The following CENPL variants were observed in gnomAD, a reference collection of about 807,000 sequenced individuals.
CENPL encodes interphase centromere complex protein 33.
In CENPL, 20 loss-of-function variants were observed where a neutral mutation model predicts 35.2. The observed-to-expected ratio is 0.57, with a 90% CI of 0.40 to 0.83. The LOEUF (loss-of-function observed/expected upper bound fraction) is 0.83. Among genes scored for constraint, CENPL ranks in the 40% least tolerant of loss-of-function variants. CENPL has a pLI of 0.00. For missense variants in CENPL, 363 were observed against 395.8 expected, an observed-to-expected ratio of 0.92 and a Z score of 0.70; for synonymous variants, 140 against 140.6, an observed-to-expected ratio of 1.00 and a Z score of 0.03.
intron 3 of CENPL, among the ~76,000 whole-genome samples, chr1:173,809,854 A>C (rs1288290663): frequency 6.6e-6 from 1 of 152,170 alleles, no homozygotes; most frequent in Non-Finnish European, 1.5e-5. Flanking sequence ...AAAAAGTCAA[A>C]AAAAAACAGA....
chr1:173,811,365 A>G (rs1650808105), intron 2 of CENPL, 59 bp from the exon 3 acceptor site: 5 of 1,127,058 alleles, frequency 4.4e-6, no homozygotes, highest in South Asian at 2.9e-5. Flanking sequence ...TCATGCTTAC[A>G]GTTTCACTGA....
chr1:173,811,416 C>T, intron 2 of CENPL, 110 bp from the exon 3 acceptor site: 1 of 717,908 alleles, frequency 1.4e-6, no homozygotes, highest in Non-Finnish European at 2.2e-6. Context: ...CTGTCTTTTC[C>T]CCTCCCTATC....
intron 5 of CENPL, among the ~76,000 whole-genome samples, chr1:173,801,201 T>C (rs1649718639): frequency 6.6e-6 from 1 of 152,122 alleles, no homozygotes; most frequent in Non-Finnish European, 1.5e-5. Context: ...AGTTTCCTTG[T>C]TTTAAAATAA....
Position 173,804,564 on chromosome 1 carries a change from A to C in CENPL, c.421-1059T>G, listed in dbSNP as rs149169743. The stretch of plus-strand genomic sequence containing the variant: ...CTTTAACTAGATTATACTCCTATTA[A>C]TGTAATCTCAGATTGCAGTTTTCTG... On this transcript the variant is annotated intron_variant, in intron 4 of 5. Transcript: ENST00000682279. 2.4e-3 allele frequency among the ~76,000 whole-genome samples: 364 copies of C among 152,336 alleles called. 1 individual carries two copies. Among genetic ancestry groups the C allele is most frequent in the Non-Finnish European group, 4.5e-3 (309 of 68,036 alleles).
chr1:173,802,022 C>CAA (rs58015799), intron 5 of CENPL, among the ~76,000 whole-genome samples: 49 of 135,398 alleles, frequency 3.6e-4, no homozygotes, highest in African/African-American at 9.5e-4. Context: ...GATTCTGTCT[C>CAA]AAAAAAAAAA....
At chr1:173,815,312 G>C (rs1571965165) in intron 2 of CENPL, among the ~76,000 whole-genome samples, 1 of 152,158 alleles carries the variant, frequency 6.6e-6, no homozygotes, top group African/African-American at 2.4e-5. Flanking sequence ...CAGAAAAAGA[G>C]AGAATCCTCC....
At chr1:173,810,402 T>C (rs1036277980) in intron 3 of CENPL, among the ~76,000 whole-genome samples, 5 of 152,056 alleles carry the variant, frequency 3.3e-5, no homozygotes, top group African/African-American at 1.2e-4. Context: ...GAAAAATAAC[T>C]AATGGATATT....
chr1:173,803,198 A>G lies in CENPL; in HGVS notation c.728T>C (p.Val243Ala), dbSNP rs375786847. The G allele has an allele frequency of 4.3e-5, 69 of 1,613,822 alleles. No homozygotes were observed. The highest frequency in any genetic ancestry group is 5.6e-5 in the Non-Finnish European group (66 of 1,179,666). ...GTCCAGACTTTGAGGGCTACAGGGT[A>G]CAGACCAAAGAAATTCAGTAGTAGC... ...YVATTEFLWS[V>A]PCSPQSLDIS... Residue 243 changes from valine (V) to alanine (A), a missense_variant, in exon 5 of 6, where the codon GTA (valine) becomes GCA (alanine). Transcript: ENST00000682279.
chr1:173,803,161 T>C lies in CENPL; in HGVS notation c.765A>G (p.Ala255=). The stretch of plus-strand genomic sequence containing the variant: ...GAGCTTTTGCATCCTCTGGATGTAT[T>C]GCGAAAGAAATGTCCAGACTTTGAG... ...CSPQSLDISF[A]IHPEDAKALW... The change falls in exon 5 of 6, where the codon GCA becomes GCG. Residue 255 remains alanine, a synonymous_variant. Coordinates refer to ENST00000682279, the MANE Select transcript of CENPL (RefSeq NM_001387287.1). The C allele has an allele frequency of 6.2e-7, 1 of 1,613,816 alleles. No individual in the cohort carries two copies. Among genetic ancestry groups the C allele is most frequent in the Non-Finnish European group, 8.5e-7 (1 of 1,179,666 alleles).
intron 2 of CENPL, among the ~76,000 whole-genome samples, chr1:173,819,566 G>A (rs574434176): frequency 6.6e-6 from 1 of 152,170 alleles, no homozygotes; most frequent in South Asian, 2.1e-4. Flanking sequence ...TCCAGCCTGG[G>A]TGAGACAGAG....
chr1:173,813,075 GT>G (rs1334075697), intron 2 of CENPL, among the ~76,000 whole-genome samples: 1 of 152,150 alleles, frequency 6.6e-6, no homozygotes, highest in African/African-American at 2.4e-5. Flanking sequence ...AAGGATATCA[GT>G]GACTGAAGAT....
chr1:173,820,493 G>C (rs532636039), intron 2 of CENPL, among the ~76,000 whole-genome samples: 5 of 152,254 alleles, frequency 3.3e-5, no homozygotes, highest in African/African-American at 9.6e-5. Flanking sequence ...TTTAGTCTGA[G>C]CAAGAGTGAG....
chr1:173,813,344 A>G (rs945784438), intron 2 of CENPL, among the ~76,000 whole-genome samples: 3 of 152,164 alleles, frequency 2.0e-5, no homozygotes, highest in Non-Finnish European at 2.9e-5. Flanking sequence ...GATACTCCTC[A>G]AGAAGAGCAA....
At chr1:173,817,092 C>T (rs1259185744) in intron 2 of CENPL, among the ~76,000 whole-genome samples, 3 of 151,940 alleles carry the variant, frequency 2.0e-5, no homozygotes, top group Non-Finnish European at 4.4e-5. Context: ...GAGCCAAAAT[C>T]GTGCCCCTGC....
At chr1:173,802,339 T>TG (rs1458437357) in intron 5 of CENPL, among the ~76,000 whole-genome samples, 1 of 152,052 alleles carries the variant, frequency 6.6e-6, no homozygotes, top group Non-Finnish European at 1.5e-5. Context: ...CCCCAGTAGC[T>TG]GGGACTACAG....
intron 4 of CENPL, 103 bp from the exon 5 acceptor site, chr1:173,803,608 T>C: frequency 9.6e-7 from 1 of 1,038,666 alleles, no homozygotes. Flanking sequence ...GCCAATGTAA[T>C]ACTTGCAAAA....
intron 4 of CENPL, among the ~76,000 whole-genome samples, chr1:173,804,038 A>G (rs1649999599): frequency 6.6e-6 from 1 of 152,342 alleles, no homozygotes; most frequent in East Asian, 1.9e-4. Context: ...ACTGCAAAAT[A>G]AGAGCTACCA....
chr1:173,807,670 T>C (rs1199403710), intron 3 of CENPL, 152 bp from the exon 4 acceptor site: 2 of 568,994 alleles, frequency 3.5e-6, no homozygotes, highest in East Asian at 2.9e-5. Flanking sequence ...TTGCAGATCC[T>C]TGAACAGACC....
chr1:173,821,133 T>C (rs1475683314), intron 2 of CENPL, among the ~76,000 whole-genome samples: 1 of 152,248 alleles, frequency 6.6e-6, no homozygotes, highest in Non-Finnish European at 1.5e-5. Flanking sequence ...GTACAATAAT[T>C]GCTAACACTT....
Sources: allele counts gnomAD v4.1 joint callset (sites outside exome capture counted in the v4.1 genomes callset), GRCh38; gene constraint gnomAD v4.1.1; transcripts MANE v1.5; gene names NCBI Gene and HGNC (gene_info 2026-07-23, HGNC 2026-07-21).